Variants in TPRA1 observed in about 807,000 individuals in gnomAD.
TPRA1 encodes transmembrane protein adipocyte-associated 1.
A neutral mutation model predicts 40.1 loss-of-function variants in TPRA1; 28 were observed. The ratio of observed to expected loss-of-function variants is 0.70; its 90% CI spans 0.52 to 0.96. The LOEUF (loss-of-function observed/expected upper bound fraction) is 0.96, where lower values mean the gene tolerates loss of function less well. Among genes scored for constraint, TPRA1 ranks in the 40% least tolerant of loss-of-function variants. The probability of loss-of-function intolerance (pLI) is 0.00; values close to 1 mark genes in which losing one functional copy is unlikely to be tolerated. For synonymous variants in TPRA1, 219 were observed against 209.7 expected, an observed-to-expected ratio of 1.04 and a Z score of -0.38; for missense variants, 441 against 482.6, an observed-to-expected ratio of 0.91 and a Z score of 0.81.
intron 10 of TPRA1, among the ~76,000 whole-genome samples, chr3:127,574,011 T>A (rs2073477316): frequency 6.6e-6 from 1 of 152,170 alleles, no homozygotes; most frequent in African/African-American, 2.4e-5. Flanking sequence ...GGGGCATCTG[T>A]GCCTGCTTCC....
Position 127,575,962 on chromosome 3 carries a change from AC to A in TPRA1, c.586del (p.Val196SerfsTer21). ...YGHGGRQFWL[V>X]SSCFFFLVYS... ...CACCAGGAAGAAGAAGCAGGAGCTG[AC>A]CAGCCAGAACTGGCGGCCCCCATGG... is the stretch of plus-strand genomic sequence containing the variant. On this transcript the variant is annotated frameshift_variant, in exon 7 of 11. Coordinates refer to ENST00000355552, the MANE Select transcript of TPRA1 (RefSeq NM_001136053.4). LOFTEE classifies it high-confidence loss of function. 1 of 1,613,988 alleles carries A rather than the reference AC, an allele frequency of 6.2e-7. No individual in the cohort carries two copies. Among genetic ancestry groups the A allele is most frequent in the African/African-American group, 1.3e-5 (1 of 75,076 alleles).
upstream of TPRA1, among the ~76,000 whole-genome samples, chr3:127,591,554 G>A (rs1000562732): frequency 6.6e-6 from 1 of 152,086 alleles, no homozygotes; most frequent in African/African-American, 2.4e-5. Context: ...TCTGTCCCTC[G>A]GCTGTTCCAA....
chr3:127,576,632 G>C lies in TPRA1; in HGVS notation c.483C>G (p.Ala161=). 6.2e-7 allele frequency: 1 copy of C among 1,608,228 alleles called. No homozygotes were observed. The highest frequency in any genetic ancestry group is 8.5e-7 in the Non-Finnish European group (1 of 1,177,368). Residue 161 remains alanine, a synonymous_variant, in exon 6 of 11, where the codon GCC becomes GCG. Coordinates refer to ENST00000355552, the MANE Select transcript of TPRA1 (RefSeq NM_001136053.4). The surrounding 1 kb of genome is among the most constrained non-coding windows in gnomAD (Gnocchi z 4.6). ...VLAITTVLSL[A]YSVTQGTLEI... ...ACCCTCTTACCTGGGTGACAGAGTAGGCCAGGGACAGCACTGTGGTGATGG... is the reference window on the plus strand; with the variant it reads ...ACCCTCTTACCTGGGTGACAGAGTACGCCAGGGACAGCACTGTGGTGATGG...
intron 10 of TPRA1, chr3:127,574,938 ATG>A (rs2073533390): frequency 3.6e-6 from 2 of 559,908 alleles, no homozygotes; most frequent in South Asian, 2.0e-5. Context: ...GTGCATGTGC[ATG>A]TGTGCATGCT....
chr3:127,582,871 C>T (rs528988139), intron 1 of TPRA1, among the ~76,000 whole-genome samples: 6 of 151,880 alleles, frequency 4.0e-5, no homozygotes, highest in African/African-American at 1.4e-4. Flanking sequence ...GGGCCAGGCA[C>T]GGTGGCTCAC....
intron 1 of TPRA1, 103 bp from the exon 2 acceptor site, chr3:127,580,266 G>A: frequency 7.3e-7 from 1 of 1,371,788 alleles, no homozygotes; most frequent in Non-Finnish European, 9.8e-7. Context: ...GCTGCACAGA[G>A]CACCCCTGTA....
chr3:127,596,639 A>G (rs2074244975), intron 1 of TPRA1, among the ~76,000 whole-genome samples: 1 of 152,208 alleles, frequency 6.6e-6, no homozygotes, highest in African/African-American at 2.4e-5. Context: ...GATATCCAAC[A>G]GCTTCCTGGA....
rs554856739 is a variant in TPRA1, at chr3:127,571,601, T to A, written c.*1920A>T. ...GACATGGAATGATCTCCAAGATCCA[T>A]TGGAGTGAGCTACAGGACATTAGCA... On this transcript the variant is annotated 3_prime_UTR_variant, in exon 11 of 11. Coordinates refer to ENST00000355552, the MANE Select transcript of TPRA1 (RefSeq NM_001136053.4). 6.6e-6 allele frequency: 1 copy of A among 152,172 alleles called. No homozygotes were observed. The highest frequency in any genetic ancestry group is 1.5e-5 in the Non-Finnish European group (1 of 68,036). The allele number at this position is 152,172 out of a possible 1,614,324, so 9.4% of individuals were successfully genotyped here. A position where few individuals can be genotyped will look rare whatever the true frequency, so the allele number is the denominator to read the frequency against.
Position 127,576,782 on chromosome 3 carries a change from G to T in TPRA1, c.418+39C>A. On this transcript the variant is annotated intron_variant, in intron 5 of 10. Coordinates refer to ENST00000355552, the MANE Select transcript of TPRA1 (RefSeq NM_001136053.4). This position sits in a 1 kb window ranked among gnomAD's most constrained non-coding sequence, Gnocchi z 4.6. ...CCCACAGCCAGGGAGGGGCAGGGGA[G>T]AGCATCGCCAGGGCCCAAGAGCCCA... 1 of 1,613,408 alleles carries T rather than the reference G, an allele frequency of 6.2e-7. No homozygotes were observed. The highest frequency in any genetic ancestry group is 1.1e-5 in the South Asian group (1 of 91,006).
chr3:127,573,577 G>C lies in TPRA1; in HGVS notation c.1066C>G (p.His356Asp). 6.2e-7 allele frequency: 1 copy of C among 1,613,202 alleles called. No individual in the cohort carries two copies. Among genetic ancestry groups the C allele is most frequent in the Non-Finnish European group, 8.5e-7 (1 of 1,180,006 alleles). ...YLDDIASMPC[H>D]TGSINSTDSE... ...TCTGTGCTGTTGATGCTGCCAGTGT[G>C]GCAGGGCATGGAAGCGATGTCATCC... Residue 356 changes from histidine to aspartate, a missense_variant, in exon 11 of 11, where the codon CAC (histidine) becomes GAC (aspartate). Transcript: ENST00000355552.
chr3:127,581,592 A>C (rs1219220300), intron 1 of TPRA1, among the ~76,000 whole-genome samples: 1 of 152,120 alleles, frequency 6.6e-6, no homozygotes, highest in African/African-American at 2.4e-5. Context: ...CCTAAGTCAT[A>C]GGTGTACTTC....
At chr3:127,577,774 C>G (rs1256159588) in intron 3 of TPRA1, among the ~76,000 whole-genome samples, 3 of 152,204 alleles carry the variant, frequency 2.0e-5, no homozygotes, top group Admixed American at 1.3e-4. Context: ...GTCCACCGCT[C>G]CTGGCTTCAG....
In TPRA1 at chr3:127,573,360, G is replaced by T; in HGVS notation, c.*161C>A. On this transcript the variant is annotated 3_prime_UTR_variant, in exon 11 of 11. Transcript: ENST00000355552. ...GAGAGCAGAGATGGCAAAGGGGATT[G>T]GGAGCCCCAGGGAGGTGGGGCCTCC... 1.1e-6 allele frequency: 1 copy of T among 894,486 alleles called. No individual in the cohort carries two copies. 55.4% of individuals were successfully genotyped at this position (894,486 alleles called of 1,614,324 possible). A position where few individuals can be genotyped will look rare whatever the true frequency, so the allele number is the denominator to read the frequency against.
upstream of TPRA1, among the ~76,000 whole-genome samples, chr3:127,592,540 C>T (rs942906189): frequency 6.6e-6 from 1 of 151,334 alleles, no homozygotes; most frequent in Non-Finnish European, 1.5e-5. Flanking sequence ...CGCCCGCCAC[C>T]GCGCCCGGCT....
At chr3:127,580,470 C>A (rs1206299257) in intron 1 of TPRA1, 1 of 307,480 alleles carries the variant, frequency 3.3e-6, no homozygotes, top group Admixed American at 4.6e-5. Flanking sequence ...TCCTGAGGGC[C>A]CATGAGAGCA....
intron 1 of TPRA1, among the ~76,000 whole-genome samples, chr3:127,584,333 C>T (rs1273363608): frequency 2.0e-5 from 3 of 148,724 alleles, no homozygotes; most frequent in African/African-American, 7.4e-5. Flanking sequence ...CTTAGCTACT[C>T]GGTGGGGCCG....
Position 127,575,187 on chromosome 3 carries a change from G to T in TPRA1, c.852C>A (p.Phe284Leu). 6.2e-7 allele frequency: 1 copy of T among 1,613,748 alleles called. No individual in the cohort carries two copies. The highest frequency in any genetic ancestry group is 8.5e-7 in the Non-Finnish European group (1 of 1,179,950). Residue 284 changes from phenylalanine (F) to leucine (L), a missense_variant and splice_region_variant, in exon 10 of 11, where the codon TTC becomes TTA. Phe to Leu is a conservative substitution (Grantham distance 22). Transcript: ENST00000355552. The part of the protein sequence containing the change: ...LIYVAFLRGF[F>L]GSEPKILFSY... ...GGCGCCGGCGGCCACAGACTCACCCGAAGAAGCCCCGGAGGAAAGCCACGT... is the reference window on the plus strand; with the variant it reads ...GGCGCCGGCGGCCACAGACTCACCCTAAGAAGCCCCGGAGGAAAGCCACGT...
Position 127,571,959 on chromosome 3 carries a change from T to C in TPRA1, c.*1562A>G, listed in dbSNP as rs2073388796. The stretch of plus-strand genomic sequence containing the variant: ...CATGTGGATCTGATGGTCAAATCCC[T>C]GCTGGCCCCAACCCTTACCCCGCTC... On this transcript the variant is annotated 3_prime_UTR_variant, in exon 11 of 11. Coordinates refer to ENST00000355552, the MANE Select transcript of TPRA1 (RefSeq NM_001136053.4). 2.0e-5 allele frequency: 3 copies of C among 152,326 alleles called. No homozygotes were observed. Among genetic ancestry groups the C allele is most frequent in the African/African-American group, 7.2e-5 (3 of 41,570 alleles). The allele number at this position is 152,326 out of a possible 1,614,324, so 9.4% of individuals were successfully genotyped here. A position where few individuals can be genotyped will look rare whatever the true frequency, so the allele number is the denominator to read the frequency against.
chr3:127,587,675 CTTTTTT>C (rs1171996656), intron 1 of TPRA1, among the ~76,000 whole-genome samples: 7 of 129,744 alleles, frequency 5.4e-5, no homozygotes, highest in Non-Finnish European at 1.2e-4. Flanking sequence ...TGCTGCTTTT[CTTTTTT>C]TTTTTTTTTT....
Sources: allele counts gnomAD v4.1 joint callset (sites outside exome capture counted in the v4.1 genomes callset), GRCh38; gene constraint gnomAD v4.1.1; non-coding constraint Gnocchi (gnomAD v3.1); transcripts MANE v1.5; gene names NCBI Gene and HGNC (gene_info 2026-07-23, HGNC 2026-07-21).